The following CELF2 variants were observed in gnomAD, a reference collection of about 807,000 sequenced individuals.
CELF2 encodes CUG triplet repeat RNA-binding protein 2.
In CELF2, 8 loss-of-function variants were observed where a neutral mutation model predicts 62.6. That is an observed-to-expected ratio of 0.13 (90% CI 0.07 to 0.23). CELF2 has a LOEUF of 0.23. CELF2 is among the 10% of genes least tolerant of loss of function. The pLI, the probability that CELF2 is intolerant of heterozygous loss-of-function variation, is 1.00. For missense variants in CELF2, 333 were observed against 671.0 expected (o/e 0.50, Z 5.56); for synonymous variants, 258 against 250.0 (o/e 1.03, Z -0.30).
rs371438792 is a variant in CELF2, at chr10:11,243,264, C to G, written c.355-5889C>G. 6.6e-6 allele frequency among the ~76,000 whole-genome samples: 1 copy of G among 151,402 alleles called. No individual in the cohort carries two copies. The highest frequency in any genetic ancestry group is 2.4e-5 in the African/African-American group (1 of 41,094). On this transcript the variant is annotated intron_variant, in intron 3 of 12. Transcript: ENST00000633077. This position sits in a 1 kb window ranked among gnomAD's most constrained non-coding sequence, Gnocchi z 4.1. ...AAGGAGCCTTTGAAATTTCCCCTTT[C>G]GCTATGTTTCACTGGTTTTTAAACA...
chr10:10,503,498 C>A, the CELF2 span, among the ~76,000 whole-genome samples: 2 of 151,804 alleles, frequency 1.3e-5, no homozygotes, highest in East Asian at 1.9e-4. Flanking sequence ...TGATGTATTT[C>A]TTTGCTTGGA....
At chr10:11,206,956 G>A (rs751890795) in intron 2 of CELF2, among the ~76,000 whole-genome samples, 13 of 152,190 alleles carry the variant, frequency 8.5e-5, no homozygotes, top group African/African-American at 1.9e-4. Flanking sequence ...AGCTGAACAC[G>A]ATGATTGTCC....
At chr10:10,978,649 A>G (rs1322542800) in intron 2 of CELF2, among the ~76,000 whole-genome samples, 1 of 152,228 alleles carries the variant, frequency 6.6e-6, no homozygotes, top group African/African-American at 2.4e-5. Flanking sequence ...ATTATAGGGG[A>G]CACTGAAGCC....
chr10:10,497,665 G>A, the CELF2 span, among the ~76,000 whole-genome samples: 25 of 152,300 alleles, frequency 1.6e-4, 1 homozygote, highest in East Asian at 4.1e-3. Flanking sequence ...TTCAGCCAGC[G>A]GGAAGCAAGG....
chr10:11,057,187 C>T (rs895941199), intron 1 of CELF2, among the ~76,000 whole-genome samples: 14 of 152,006 alleles, frequency 9.2e-5, no homozygotes, highest in Admixed American at 2.6e-4. Flanking sequence ...GTCCCAGACC[C>T]GACTTCCATG....
Position 11,321,047 on chromosome 10 carries a change from T to G in CELF2, c.1097-142T>G. 5 of 1,315,650 alleles carry G rather than the reference T, an allele frequency of 3.8e-6. No individual in the cohort carries two copies. The highest frequency in any genetic ancestry group is 5.3e-6 in the Non-Finnish European group (5 of 945,178). 81.5% of individuals were successfully genotyped at this position (1,315,650 alleles called of 1,614,324 possible). On this transcript the variant is annotated intron_variant, in intron 10 of 12. Transcript: ENST00000633077. This position sits in a 1 kb window ranked among gnomAD's most constrained non-coding sequence, Gnocchi z 6.2. ...ACGATTTATTTCTTCATGGTTTCAT[T>G]TTTAGTTTCCTGTCAGTGTAATTGT...
chr10:10,647,395 C>T, the CELF2 span, among the ~76,000 whole-genome samples: 2 of 152,204 alleles, frequency 1.3e-5, no homozygotes, highest in African/African-American at 4.8e-5. Flanking sequence ...TTGATCTCAA[C>T]TCTCCCAGGT....
At chr10:10,709,490 A>C in the CELF2 span, among the ~76,000 whole-genome samples, 1 of 152,202 alleles carries the variant, frequency 6.6e-6, no homozygotes, top group Middle Eastern at 3.4e-3. Flanking sequence ...AATTGATGTG[A>C]TTTTAAAATA....
intron 1 of CELF2, chr10:10,846,076 G>C: frequency 3.0e-6 from 3 of 984,676 alleles, no homozygotes; most frequent in Non-Finnish European, 3.6e-6. Flanking sequence ...TTTGTGATTC[G>C]ATCAGATCCT....
chr10:11,209,101 T>A (rs1350513669), intron 2 of CELF2, among the ~76,000 whole-genome samples: 1 of 152,228 alleles, frequency 6.6e-6, no homozygotes, highest in African/African-American at 2.4e-5. Context: ...ACTTTTTTCA[T>A]GCCCCTGGTT....
the CELF2 span, among the ~76,000 whole-genome samples, chr10:10,721,025 C>G: frequency 2.0e-5 from 3 of 152,368 alleles, no homozygotes; most frequent in Middle Eastern, 3.4e-3. Flanking sequence ...CCACATTAGA[C>G]AGGTGATGTT....
intron 1 of CELF2, among the ~76,000 whole-genome samples, chr10:11,136,659 G>A (rs980285928): frequency 6.6e-6 from 1 of 152,118 alleles, no homozygotes; most frequent in Non-Finnish European, 1.5e-5. Context: ...GAAGTTAAAC[G>A]ATAGCAGACA....
the CELF2 span, among the ~76,000 whole-genome samples, chr10:10,511,629 A>C: frequency 6.6e-6 from 1 of 152,178 alleles, no homozygotes; most frequent in South Asian, 2.1e-4. Context: ...AGTGGATATC[A>C]GTATAGCTTC....
chr10:10,616,719 TGAGAGAGA>T, the CELF2 span, among the ~76,000 whole-genome samples: 2 of 55,262 alleles, frequency 3.6e-5, no homozygotes, highest in East Asian at 4.7e-4. Context: ...TGTGTGTGTG[TGAGAGAGA>T]GAGAGAGAGA....
the CELF2 span, among the ~76,000 whole-genome samples, chr10:10,791,474 A>G: frequency 6.6e-6 from 1 of 152,202 alleles, no homozygotes; most frequent in Non-Finnish European, 1.5e-5. Context: ...TAAATTTCTC[A>G]TTAAATTATG....
rs2096096488 is a variant in CELF2, at chr10:11,335,218, C to T, written c.*6165C>T. 1 of 152,458 alleles carries T rather than the reference C, an allele frequency of 6.6e-6. No individual in the cohort carries two copies. The highest frequency in any genetic ancestry group is 2.4e-5 in the African/African-American group (1 of 41,464). 9.4% of individuals were successfully genotyped at this position (152,458 alleles called of 1,614,324 possible). A position where few individuals can be genotyped will look rare whatever the true frequency, so the allele number is the denominator to read the frequency against. ...TATCAAAAACTGTTCCTTCTCTGCC[C>T]TCAAAGACTGAAGCCGCAGGCCCTG... On this transcript the variant is annotated 3_prime_UTR_variant, in exon 13 of 13. Coordinates refer to ENST00000633077, the MANE Select transcript of CELF2 (RefSeq NM_001326342.2). This position sits in a 1 kb window ranked among gnomAD's most constrained non-coding sequence, Gnocchi z 5.0.
chr10:10,512,546 A>AGATTACAG, the CELF2 span, among the ~76,000 whole-genome samples: 1 of 151,460 alleles, frequency 6.6e-6, no homozygotes, highest in African/African-American at 2.4e-5. Flanking sequence ...CAGCCTCCTG[A>AGATTACAG]GATTACAGGC....
At chr10:10,679,098 A>G in the CELF2 span, among the ~76,000 whole-genome samples, 1 of 152,182 alleles carries the variant, frequency 6.6e-6, no homozygotes, top group Admixed American at 6.5e-5. Context: ...ACTTTAGCAT[A>G]TTGTTGTAAA....
the CELF2 span, among the ~76,000 whole-genome samples, chr10:10,734,640 G>A: frequency 6.6e-6 from 1 of 152,174 alleles, no homozygotes; most frequent in Admixed American, 6.5e-5. Context: ...AGAATGTGTG[G>A]GGTTATTCCA....
Sources: allele counts gnomAD v4.1 joint callset (sites outside exome capture counted in the v4.1 genomes callset), GRCh38; gene constraint gnomAD v4.1.1; non-coding constraint Gnocchi (gnomAD v3.1); transcripts MANE v1.5; gene names NCBI Gene and HGNC (gene_info 2026-07-23, HGNC 2026-07-21).